Variants in XPNPEP3 observed in about 807,000 individuals in gnomAD.
The protein encoded by XPNPEP3 is xaa-Pro aminopeptidase 3.
A neutral mutation model predicts 60.0 loss-of-function variants in XPNPEP3; 41 were observed. The ratio of observed to expected loss-of-function variants is 0.68; its 90% CI spans 0.53 to 0.89. The LOEUF is 0.89. Ranked by LOEUF, XPNPEP3 falls within the 40% of genes least tolerant of loss-of-function variation. The pLI, the probability that XPNPEP3 is intolerant of heterozygous loss-of-function variation, is 0.00. For synonymous variants in XPNPEP3, 212 were observed against 223.2 expected (o/e 0.95, Z 0.45); for missense variants, 598 against 638.9 (o/e 0.94, Z 0.69).
intron 4 of XPNPEP3, among the ~76,000 whole-genome samples, chr22:40,893,410 G>A (rs922568367): frequency 2.6e-4 from 39 of 147,770 alleles, no homozygotes; most frequent in African/African-American, 9.4e-4. Flanking sequence ...GGAGGCTGAG[G>A]CAGGAGAATC....
At chr22:40,884,287 A>G (rs1431008824) in intron 3 of XPNPEP3, among the ~76,000 whole-genome samples, 1 of 149,952 alleles carries the variant, frequency 6.7e-6, no homozygotes. Flanking sequence ...TATAGTTACA[A>G]TCTCATGTAA....
At chr22:40,863,004 A>G (rs1461284308) in intron 1 of XPNPEP3, among the ~76,000 whole-genome samples, 1 of 152,224 alleles carries the variant, frequency 6.6e-6, no homozygotes, top group African/African-American at 2.4e-5. Flanking sequence ...TTCTGAGGAG[A>G]TGACATTATT....
chr22:40,932,482 A>G lies in XPNPEP3; in HGVS notation c.*6047A>G, dbSNP rs1346299977. The G allele has an allele frequency of 1.3e-5, 2 of 152,204 alleles. No individual in the cohort carries two copies. The highest frequency in any genetic ancestry group is 3.8e-4 in the East Asian group (2 of 5,198). 9.4% of individuals were successfully genotyped at this position (152,204 alleles called of 1,614,324 possible). ...CATCATTAAACCTTAACAGTAGAGCAGAATTTCACTGTTACAAACCACATG... is the reference window on the plus strand; with the variant it reads ...CATCATTAAACCTTAACAGTAGAGCGGAATTTCACTGTTACAAACCACATG... On this transcript the variant is annotated 3_prime_UTR_variant, in exon 10 of 10. Coordinates refer to ENST00000357137, the MANE Select transcript of XPNPEP3 (RefSeq NM_022098.4).
At chr22:40,871,554 T>C (rs376652008) in intron 2 of XPNPEP3, among the ~76,000 whole-genome samples, 2 of 152,186 alleles carry the variant, frequency 1.3e-5, no homozygotes, top group East Asian at 3.8e-4. Context: ...AAAAAGAGAA[T>C]ACAGGTAAGC....
chr22:40,914,081 G>A (rs974958732), intron 6 of XPNPEP3, among the ~76,000 whole-genome samples, 158 bp from the exon 7 acceptor site: 1 of 151,530 alleles, frequency 6.6e-6, no homozygotes, highest in Non-Finnish European at 1.5e-5. Context: ...AGCGGAGGTT[G>A]TGGTGAGCTG....
At chr22:40,870,892 G>C (rs558424651) in intron 2 of XPNPEP3, among the ~76,000 whole-genome samples, 1 of 152,004 alleles carries the variant, frequency 6.6e-6, no homozygotes, top group Non-Finnish European at 1.5e-5. Context: ...AGCCGGGTGT[G>C]GTGGCATATG....
chr22:40,907,278 G>A (rs1429072213), intron 4 of XPNPEP3: 4 of 419,612 alleles, frequency 9.5e-6, no homozygotes, highest in Non-Finnish European at 9.3e-6. Flanking sequence ...AAAATTAGCC[G>A]GGTGTGGTGG....
intron 4 of XPNPEP3, among the ~76,000 whole-genome samples, chr22:40,897,077 G>A (rs1406835272): frequency 6.9e-6 from 1 of 145,940 alleles, no homozygotes; most frequent in Non-Finnish European, 1.5e-5. Context: ...TGTTGCCCAG[G>A]CTGGAGTGCA....
intron 1 of XPNPEP3, among the ~76,000 whole-genome samples, chr22:40,865,202 T>G (rs1330371072): frequency 6.6e-6 from 1 of 152,200 alleles, no homozygotes; most frequent in Non-Finnish European, 1.5e-5. Context: ...CCAATCTGTC[T>G]TCTGTCTTCT....
intron 5 of XPNPEP3, 133 bp downstream of exon 5, chr22:40,907,782 AT>A (rs1335909420): frequency 1.1e-6 from 1 of 878,622 alleles, no homozygotes; most frequent in Non-Finnish European, 1.9e-6. Flanking sequence ...TGGTTCTGAA[AT>A]ATCACTGGTC....
In XPNPEP3 at chr22:40,860,335, C is replaced by A. The variant is rs2057935266; in HGVS notation, c.64+3090C>A. On this transcript the variant is annotated intron_variant, in intron 1 of 9. Coordinates refer to ENST00000357137, the MANE Select transcript of XPNPEP3 (RefSeq NM_022098.4). ...GACTTCAACCCTCCTGCCTGGGCCT[C>A]CCAAGATGCTAGGATTACAGGTGTG... 3.8e-5 allele frequency: 6 copies of A among 159,446 alleles called. No individual in the cohort carries two copies. In the Admixed American group the frequency reaches 3.9e-4, roughly 10 times the overall value. 9.9% of individuals were successfully genotyped at this position (159,446 alleles called of 1,614,324 possible).
intron 1 of XPNPEP3, chr22:40,861,898 C>T: frequency 6.2e-6 from 10 of 1,613,900 alleles, no homozygotes; most frequent in Non-Finnish European, 8.5e-6. Flanking sequence ...GGATTTTTAT[C>T]AGGGTGCCAT....
chr22:40,875,296 A>C (rs2058023598), intron 2 of XPNPEP3, among the ~76,000 whole-genome samples: 1 of 152,096 alleles, frequency 6.6e-6, no homozygotes, highest in East Asian at 1.9e-4. Flanking sequence ...CAGTTTCCCA[A>C]GTAGCTAGGA....
chr22:40,911,030 T>C (rs2058175194), intron 6 of XPNPEP3, among the ~76,000 whole-genome samples: 1 of 152,012 alleles, frequency 6.6e-6, no homozygotes, highest in East Asian at 1.9e-4. Context: ...CAAATAAAAA[T>C]ATATATGATA....
At chr22:40,861,521 T>A (rs1003247107) in intron 1 of XPNPEP3, 1 of 1,613,636 alleles carries the variant, frequency 6.2e-7, no homozygotes, top group African/African-American at 1.3e-5. Flanking sequence ...AACCCTGTGA[T>A]GTATATCCTG....
intron 7 of XPNPEP3, 52 bp downstream of exon 7, chr22:40,914,376 G>C: frequency 1.4e-6 from 2 of 1,438,948 alleles, no homozygotes; most frequent in Non-Finnish European, 2.0e-6. Flanking sequence ...AGTATGAGTT[G>C]GAATATGGCT....
intron 1 of XPNPEP3, 87 bp downstream of exon 1, chr22:40,857,332 C>G: frequency 6.8e-7 from 1 of 1,474,256 alleles, no homozygotes. Flanking sequence ...TCGGCTGACC[C>G]TTCTCCTGGT....
chr22:40,924,606 C>G, intron 9 of XPNPEP3, 124 bp downstream of exon 9: 1 of 1,379,668 alleles, frequency 7.2e-7, no homozygotes, highest in Non-Finnish European at 1.0e-6. Flanking sequence ...TCACTGCAAC[C>G]TCCGCCCCCC....
At chr22:40,900,792 G>A (rs990481869) in intron 4 of XPNPEP3, among the ~76,000 whole-genome samples, 14 of 151,420 alleles carry the variant, frequency 9.2e-5, no homozygotes, top group African/African-American at 3.4e-4. Flanking sequence ...AGTTAGCTGG[G>A]TGTGGTGGCA....
Sources: allele counts gnomAD v4.1 joint callset (sites outside exome capture counted in the v4.1 genomes callset), GRCh38; gene constraint gnomAD v4.1.1; transcripts MANE v1.5; gene names NCBI Gene and HGNC (gene_info 2026-07-23, HGNC 2026-07-21).